The following ITPRID1 variants were observed in gnomAD, a reference collection of about 807,000 sequenced individuals.
The protein encoded by ITPRID1 is ITPR interacting domain containing 1.
ITPRID1 carries 96 observed loss-of-function variants against 95.4 expected under a neutral mutation model. That is an observed-to-expected ratio of 1.01 (90% CI 0.85 to 1.19). ITPRID1 has a LOEUF of 1.19. Ranked by LOEUF, ITPRID1 falls within the 50% of genes most tolerant of loss-of-function variation. The probability of loss-of-function intolerance (pLI) is 0.00; values close to 1 mark genes in which losing one functional copy is unlikely to be tolerated. For synonymous variants in ITPRID1, 510 were observed against 453.6 expected, an observed-to-expected ratio of 1.12 and a Z score of -1.58; for missense variants, 1,339 against 1,252.9, an observed-to-expected ratio of 1.07 and a Z score of -1.04.
chr7:31,656,032 A>C lies in ITPRID1; in HGVS notation c.*3203A>C. The C allele has an allele frequency of 7.1e-6, 7 of 983,948 alleles. No homozygotes were observed. In the South Asian group the frequency reaches 2.8e-4, roughly 40 times the overall value. The allele number at this position is 983,948 out of a possible 1,614,324, so 61.0% of individuals were successfully genotyped here. ...TTTGCTGAAACAAATGAAGTATCTCACCAGTAAGTCCTAGGGCAGACCCCA... is the reference window on the plus strand; with the variant it reads ...TTTGCTGAAACAAATGAAGTATCTCCCCAGTAAGTCCTAGGGCAGACCCCA... On this transcript the variant is annotated 3_prime_UTR_variant, in exon 15 of 15. Transcript: ENST00000615280.
intron 1 of ITPRID1, among the ~76,000 whole-genome samples, chr7:31,528,312 C>G (rs1466186478): frequency 6.6e-6 from 1 of 152,146 alleles, no homozygotes; most frequent in Non-Finnish European, 1.5e-5. Flanking sequence ...AAGATCAAGT[C>G]TATTAAAATC....
At chr7:31,627,264 T>G (rs931506067) in intron 10 of ITPRID1, among the ~76,000 whole-genome samples, 3 of 152,188 alleles carry the variant, frequency 2.0e-5, no homozygotes, top group African/African-American at 7.2e-5. Context: ...CAAATAATTT[T>G]ATCAAAATTT....
intron 10 of ITPRID1, among the ~76,000 whole-genome samples, chr7:31,590,133 A>G (rs1785802025): frequency 6.6e-6 from 1 of 152,038 alleles, no homozygotes; most frequent in African/African-American, 2.4e-5. Context: ...CAGTGGTGCA[A>G]TCCTAAATCA....
At chr7:31,530,974 A>G (rs12701113) in intron 1 of ITPRID1, among the ~76,000 whole-genome samples, 88,550 of 151,902 alleles carry the variant, frequency 0.58, 26,856 homozygotes, top group Middle Eastern at 0.71. Flanking sequence ...GTGGCCATCC[A>G]ATGTTCTGGG....
chr7:31,652,139 C>A, intron 14 of ITPRID1, 89 bp downstream of exon 14: 2 of 1,015,540 alleles, frequency 2.0e-6, no homozygotes, highest in Non-Finnish European at 3.0e-6. Flanking sequence ...GCAATCATTT[C>A]AGAATCTAGG....
intron 1 of ITPRID1, among the ~76,000 whole-genome samples, chr7:31,537,456 G>GT (rs1409112390): frequency 6.6e-6 from 1 of 151,768 alleles, no homozygotes; most frequent in Admixed American, 6.6e-5. Flanking sequence ...TAATTTGTTA[G>GT]TTTTTTCCCC....
intron 10 of ITPRID1, among the ~76,000 whole-genome samples, chr7:31,636,279 T>C (rs1451102822): frequency 6.6e-6 from 1 of 152,178 alleles, no homozygotes; most frequent in Non-Finnish European, 1.5e-5. Flanking sequence ...TGGTATAAAC[T>C]AGCCAGCACA....
At chr7:31,584,075 C>T (rs772400195) in intron 10 of ITPRID1, among the ~76,000 whole-genome samples, 46 of 152,132 alleles carry the variant, frequency 3.0e-4, no homozygotes, top group Non-Finnish European at 5.7e-4. Flanking sequence ...CTTCTCTATT[C>T]CTGGTTTTCA....
intron 10 of ITPRID1, among the ~76,000 whole-genome samples, chr7:31,622,057 AT>A (rs1236415925): frequency 4.9e-5 from 7 of 142,164 alleles, no homozygotes; most frequent in African/African-American, 1.8e-4. Flanking sequence ...AGAGCTAACT[AT>A]CCTAAATATA....
chr7:31,609,537 A>G (rs981438320), intron 10 of ITPRID1, among the ~76,000 whole-genome samples: 9 of 151,566 alleles, frequency 5.9e-5, no homozygotes, highest in African/African-American at 1.9e-4. Flanking sequence ...TCAATACCTT[A>G]TACCTTTCTA....
At position 31,520,556 on chromosome 7, in the gene ITPRID1, TGTGTGTGTGA is replaced by T. The variant is rs1490245092; in HGVS notation, c.-98+6438_-98+6447del. ...GTGTGTGTGTGTGTGTGTGTGTGTG[TGTGTGTGTGA>T]GAGAGAGAGAGAGAGTTTGGCACTT... On this transcript the variant is annotated intron_variant, in intron 1 of 14. Coordinates refer to ENST00000615280, the MANE Select transcript of ITPRID1 (RefSeq NM_001257967.3). Among the ~76,000 whole-genome samples, 360 of 105,532 alleles carry T rather than the reference TGTGTGTGTGA, an allele frequency of 3.4e-3. 1 individual carries two copies. The highest frequency in any genetic ancestry group is 7.8e-3 in the East Asian group (31 of 3,950). The allele number at this position is 105,532 out of a possible 152,430, so 69.2% of individuals were successfully genotyped here. A position where few individuals can be genotyped will look rare whatever the true frequency, so the allele number is the denominator to read the frequency against.
At chr7:31,548,409 A>G (rs1784170302) in intron 1 of ITPRID1, among the ~76,000 whole-genome samples, 1 of 152,192 alleles carries the variant, frequency 6.6e-6, no homozygotes, top group African/African-American at 2.4e-5. Context: ...AAGATCATAG[A>G]GGAAATTTAC....
At chr7:31,648,383 TTTTA>T (rs573966240) in intron 12 of ITPRID1, among the ~76,000 whole-genome samples, 11 of 152,100 alleles carry the variant, frequency 7.2e-5, no homozygotes, top group African/African-American at 1.9e-4. Flanking sequence ...TTTTGAGGGT[TTTTA>T]TTTATTTTTT....
chr7:31,593,315 GACAAAA>G (rs1389111639), intron 10 of ITPRID1, among the ~76,000 whole-genome samples: 1 of 151,762 alleles, frequency 6.6e-6, no homozygotes, highest in African/African-American at 2.4e-5. Context: ...ACAAAACAAA[GACAAAA>G]ACAAAAACAA....
chr7:31,573,227 T>A (rs767493017), intron 7 of ITPRID1, among the ~76,000 whole-genome samples: 1 of 152,204 alleles, frequency 6.6e-6, no homozygotes, highest in Non-Finnish European at 1.5e-5. Flanking sequence ...AGAATATTAT[T>A]TCAGATGTTC....
intron 10 of ITPRID1, among the ~76,000 whole-genome samples, chr7:31,636,042 C>T (rs1168848567): frequency 2.0e-5 from 3 of 152,138 alleles, no homozygotes; most frequent in Non-Finnish European, 2.9e-5. Context: ...TTTCACAGGG[C>T]AGCAGGAGAG....
Position 31,655,083 on chromosome 7 carries a change from G to A in ITPRID1, c.*2254G>A, listed in dbSNP as rs1284426548. Among the ~76,000 whole-genome samples the A allele has an allele frequency of 6.6e-6, 1 of 152,024 alleles. No individual in the cohort carries two copies. Among genetic ancestry groups the A allele is most frequent in the Non-Finnish European group, 1.5e-5 (1 of 68,006 alleles). ...CAAGCATCTATGACCCTGATTCCCA[G>A]CTCTCTCCAGTATCCCAGCCCAGCA... On this transcript the variant is annotated 3_prime_UTR_variant, in exon 15 of 15. Transcript: ENST00000615280.
intron 1 of ITPRID1, among the ~76,000 whole-genome samples, chr7:31,522,007 T>C (rs1325274530): frequency 6.6e-6 from 1 of 151,112 alleles, no homozygotes; most frequent in African/African-American, 2.4e-5. Flanking sequence ...AAGCTCTTTA[T>C]GGGAAAAAAA....
intron 1 of ITPRID1, among the ~76,000 whole-genome samples, chr7:31,524,677 T>C (rs895702827): frequency 2.0e-5 from 3 of 152,228 alleles, no homozygotes; most frequent in South Asian, 4.1e-4. Context: ...AAATTTTTTG[T>C]TGCTGGTTAT....
Sources: allele counts gnomAD v4.1 joint callset (sites outside exome capture counted in the v4.1 genomes callset), GRCh38; gene constraint gnomAD v4.1.1; transcripts MANE v1.5; gene names NCBI Gene and HGNC (gene_info 2026-07-23, HGNC 2026-07-21).